PCNX4: variants seen among roughly 807,000 people sequenced by gnomAD.
PCNX4 encodes pecanex-like protein 4.
Under a neutral mutation model 107.2 loss-of-function variants are expected in PCNX4, and 103 were observed. That is an observed-to-expected ratio of 0.96 (90% confidence interval 0.82 to 1.13). The LOEUF (loss-of-function observed/expected upper bound fraction) is 1.13. PCNX4 is among the 50% of genes most tolerant of loss of function. The pLI is 0.00. For synonymous variants in PCNX4, 541 were observed against 481.7 expected (o/e 1.12, Z -1.61); for missense variants, 1,528 against 1,379.4 (o/e 1.11, Z -1.71).
rs770651679 is a variant in PCNX4, at chr14:60,118,515, C to A, written c.1765C>A (p.Pro589Thr). 6.2e-7 allele frequency: 1 copy of A among 1,613,796 alleles called. No individual in the cohort carries two copies. Among genetic ancestry groups the A allele is most frequent in the Non-Finnish European group, 8.5e-7 (1 of 1,179,842 alleles). Reference protein sequence around the residue: ...IIVFSTLLSSPLLPLFTLPVF... With the variant: ...IIVFSTLLSSTLLPLFTLPVF... ...AGTTTTTTCTACACTACTCTCTTCT[C>A]CCTTACTCCCTCTTTTCACCCTTCC... Residue 589 changes from proline to threonine, a missense_variant, in exon 7 of 11, where the codon CCC (proline) becomes ACC (threonine). By Grantham distance (38) the Pro-to-Thr change is conservative (BLOSUM62 -1). Coordinates refer to ENST00000406854, the MANE Select transcript of PCNX4 (RefSeq NM_001330177.2).
Position 60,133,117 on chromosome 14 carries a change from A to G in PCNX4, c.3268-853A>G, listed in dbSNP as rs117143677. ...ATGTATACCTAAGAGAAATAAAAACATAAATCCACATGAAACCTTGTACAT... is the reference window on the plus strand; with the variant it reads ...ATGTATACCTAAGAGAAATAAAAACGTAAATCCACATGAAACCTTGTACAT... On this transcript the variant is annotated intron_variant, in intron 10 of 10. Transcript: ENST00000406854. 2.6e-5 allele frequency among the ~76,000 whole-genome samples: 4 copies of G among 152,344 alleles called. No homozygotes were observed. In the East Asian group the frequency reaches 7.7e-4, roughly 29 times the overall value.
At position 60,124,312 on chromosome 14, in the gene PCNX4, T is replaced by C. The variant is rs770314682; in HGVS notation, c.2141T>C (p.Val714Ala). 6.8e-6 allele frequency: 11 copies of C among 1,610,930 alleles called. No homozygotes were observed. Among genetic ancestry groups the C allele is most frequent in the Non-Finnish European group, 9.3e-6 (11 of 1,178,240 alleles). The change falls in exon 9 of 11, where the codon GTA becomes GCA. Residue 714 changes from valine to alanine, a missense_variant. By Grantham distance (64) the Val-to-Ala change is moderately conservative. Transcript: ENST00000406854. ...EDAFEQEYTR[V>A]CSLNEHFGNV... The stretch of plus-strand genomic sequence containing the variant: ...GCTTTTGAGCAAGAATACACAAGAG[T>C]ATGTTCCCTTAATGAACACTTTGGA...
intron 1 of PCNX4, among the ~76,000 whole-genome samples, chr14:60,092,692 A>G (rs1424689410): frequency 4.6e-5 from 7 of 152,220 alleles, no homozygotes; most frequent in East Asian, 1.9e-4. Flanking sequence ...GAAATGGAAT[A>G]TGGCACACCC....
At position 60,115,360 on chromosome 14, in the gene PCNX4, A is replaced by G. The variant is rs753834560; in HGVS notation, c.1256A>G (p.Asn419Ser). The G allele has an allele frequency of 3.9e-5, 63 of 1,603,638 alleles. No individual in the cohort carries two copies. The highest frequency in any genetic ancestry group is 3.1e-5 in the Non-Finnish European group (36 of 1,174,538). Residue 419 changes from asparagine (N) to serine (S), a missense_variant, in exon 4 of 11, where the codon AAT becomes AGT. Transcript: ENST00000406854. ...GTATATATCATTGGAATTTTCCGAAATCCCTTTTATCCGAAGGATGTGCAA... is the reference window on the plus strand; with the variant it reads ...GTATATATCATTGGAATTTTCCGAAGTCCCTTTTATCCGAAGGATGTGCAA... ...QSVYIIGIFR[N>S]PFYPKDVQTV...
In PCNX4 at chr14:60,118,655, T is replaced by G; in HGVS notation, c.1905T>G (p.Thr635=). Residue 635 remains threonine, a synonymous_variant, in exon 7 of 11, where the codon ACT becomes ACG. Transcript: ENST00000406854. ...VYYYQMVPRL[T]AVLQTAMAAG... is the part of the protein sequence containing the mutation. ...ACTACCAAATGGTGCCCAGGTTGAC[T>G]GCTGTACTGCAGACTGCAATGGCAG... 6.2e-7 allele frequency: 1 copy of G among 1,609,810 alleles called. No individual in the cohort carries two copies. The highest frequency in any genetic ancestry group is 8.5e-7 in the Non-Finnish European group (1 of 1,177,006).
rs1259340758 is a variant in PCNX4, at chr14:60,137,482, G to A, written c.*3261G>A. On this transcript the variant is annotated 3_prime_UTR_variant, in exon 11 of 11. Coordinates refer to ENST00000406854, the MANE Select transcript of PCNX4 (RefSeq NM_001330177.2). ...CCCTTTGCTGCAGCCGCTACCCAGA[G>A]CAAATGTAAATCCTCTCTGGACTGA... The A allele has an allele frequency of 1.3e-5, 2 of 152,140 alleles. No homozygotes were observed. Among genetic ancestry groups the A allele is most frequent in the African/African-American group, 4.8e-5 (2 of 41,408 alleles). The allele number at this position is 152,140 out of a possible 1,614,324, so 9.4% of individuals were successfully genotyped here.
chr14:60,108,181 G>T lies in PCNX4; in HGVS notation c.543G>T (p.Trp181Cys). 2 of 1,612,854 alleles carry T rather than the reference G, an allele frequency of 1.2e-6. No individual in the cohort carries two copies. The highest frequency in any genetic ancestry group is 1.7e-5 in the Admixed American group (1 of 60,030). Reference sequence around the variant, plus strand: ...CTGCTCTACTATTCTTCTTTGGATGGATGACACTATGTATAGCAGAATATT... The same window carrying T: ...CTGCTCTACTATTCTTCTTTGGATGTATGACACTATGTATAGCAGAATATT... ...GGTALLFFFG[W>C]MTLCIAEYSL... is the part of the protein sequence containing the mutation. Residue 181 changes from tryptophan (W) to cysteine (C), a missense_variant, in exon 2 of 11, where the codon TGG becomes TGT. Physicochemically the swap from Trp to Cys is radical, Grantham distance 215. Transcript: ENST00000406854.
intron 1 of PCNX4, among the ~76,000 whole-genome samples, chr14:60,099,824 G>T (rs1421448841): frequency 1.3e-5 from 2 of 152,134 alleles, no homozygotes; most frequent in African/African-American, 4.8e-5. Context: ...AGCACTTTGG[G>T]AGGCTGAGGC....
rs1356945437 is a variant in PCNX4 at position 60,119,397 on chromosome 14, T to G, written c.1942+705T>G. ...AGTGTGTCATCTCCTGCCATGTGCT[T>G]TAACCCCTGAAACTTGTTTTTAAAA... On this transcript the variant is annotated intron_variant, in intron 7 of 10. Coordinates refer to ENST00000406854, the MANE Select transcript of PCNX4 (RefSeq NM_001330177.2). Among the ~76,000 whole-genome samples, 6 of 152,226 alleles carry G rather than the reference T, an allele frequency of 3.9e-5. No individual in the cohort carries two copies. In the East Asian group the frequency reaches 1.2e-3, roughly 29 times the overall value.
chr14:60,128,375 A>G (rs1391517312), intron 10 of PCNX4, among the ~76,000 whole-genome samples: 1 of 152,224 alleles, frequency 6.6e-6, no homozygotes, highest in East Asian at 1.9e-4. Context: ...AAGGAAAGTC[A>G]TATAAAATTC....
At chr14:60,111,496 G>A (rs1247784282) in intron 2 of PCNX4, among the ~76,000 whole-genome samples, 2 of 152,120 alleles carry the variant, frequency 1.3e-5, no homozygotes, top group African/African-American at 2.4e-5. Context: ...GTTTAAATGT[G>A]TGTATACACA....
rs1896268731 is a variant in PCNX4 at position 60,138,598 on chromosome 14, T to C, written c.*4377T>C. The C allele has an allele frequency of 6.6e-6, 1 of 152,090 alleles. No homozygotes were observed. Among genetic ancestry groups the C allele is most frequent in the Non-Finnish European group, 1.5e-5 (1 of 68,006 alleles). 9.4% of individuals were successfully genotyped at this position (152,090 alleles called of 1,614,324 possible). On this transcript the variant is annotated 3_prime_UTR_variant, in exon 11 of 11. Transcript: ENST00000406854. ...ATATTTTCAGGTTACTGAAAGAAAA[T>C]ATCTGCAATTTTAGAATTCAATACC...
chr14:60,105,443 A>T (rs150527702), intron 1 of PCNX4, among the ~76,000 whole-genome samples: 2 of 152,370 alleles, frequency 1.3e-5, no homozygotes, highest in African/African-American at 2.4e-5. Flanking sequence ...AATGTTACAG[A>T]TAAAATACAC....
intron 8 of PCNX4, among the ~76,000 whole-genome samples, chr14:60,123,083 C>G (rs534399687): frequency 6.6e-6 from 1 of 152,186 alleles, no homozygotes; most frequent in Admixed American, 6.5e-5. Context: ...AACCTCTGCT[C>G]TAGTCTAACC....
At chr14:60,115,895 A>G in intron 5 of PCNX4, 46 bp from the exon 6 acceptor site, 1 of 1,591,186 alleles carries the variant, frequency 6.3e-7, no homozygotes, top group East Asian at 2.3e-5. Flanking sequence ...GTTTGCTTAG[A>G]TTATCTAATT....
At chr14:60,102,412 G>GT (rs1163475484) in intron 1 of PCNX4, among the ~76,000 whole-genome samples, 1 of 151,996 alleles carries the variant, frequency 6.6e-6, no homozygotes, top group Non-Finnish European at 1.5e-5. Flanking sequence ...ACTTTTTGTT[G>GT]TTTTTTTGTT....
rs761554627 is a variant in PCNX4, at chr14:60,118,634, C to T, written c.1884C>T (p.Tyr628=). ...TGTGTGCAGATACAGTGTACTACTA[C>T]CAAATGGTGCCCAGGTTGACTGCTG... ...ACVCADTVYY[Y]QMVPRLTAVL... Residue 628 remains tyrosine, a synonymous_variant, in exon 7 of 11, where the codon TAC becomes TAT. Coordinates refer to ENST00000406854, the MANE Select transcript of PCNX4 (RefSeq NM_001330177.2). The T allele has an allele frequency of 6.2e-7, 1 of 1,613,138 alleles. No individual in the cohort carries two copies. Among genetic ancestry groups the T allele is most frequent in the Non-Finnish European group, 8.5e-7 (1 of 1,179,414 alleles).
chr14:60,118,528 T>C lies in PCNX4; in HGVS notation c.1778T>C (p.Leu593Pro). ...STLLSSPLLP[L>P]FTLPVFLVGF... ...CTACTCTCTTCTCCCTTACTCCCTC[T>C]TTTCACCCTTCCTGTGTTCTTGGTG... Residue 593 changes from leucine (L) to proline (P), a missense_variant, in exon 7 of 11, where the codon CTT (leucine) becomes CCT (proline). By Grantham distance (98) the Leu-to-Pro change is moderately conservative (BLOSUM62 -3). Coordinates refer to ENST00000406854, the MANE Select transcript of PCNX4 (RefSeq NM_001330177.2). 1 of 1,613,834 alleles carries C rather than the reference T, an allele frequency of 6.2e-7. No individual in the cohort carries two copies.
rs189251219 is a variant in PCNX4, at chr14:60,120,018, C to G, written c.1943-1178C>G. Among the ~76,000 whole-genome samples the G allele has an allele frequency of 7.9e-5, 12 of 152,254 alleles. 1 individual carries two copies. The highest frequency in any genetic ancestry group is 2.4e-4 in the African/African-American group (10 of 41,546). On this transcript the variant is annotated intron_variant, in intron 7 of 10. Coordinates refer to ENST00000406854, the MANE Select transcript of PCNX4 (RefSeq NM_001330177.2). ...TTTTAGATTCCATGATTTAGTGATT[C>G]CAGTTCTAGAGAAATTCTAGTACAT...
Sources: gnomAD v4.1 joint callset for allele counts (sites outside exome capture counted in the v4.1 genomes callset) on GRCh38, gnomAD v4.1.1 for gene constraint, MANE v1.5 for transcripts, NCBI Gene and HGNC (gene_info 2026-07-23, HGNC 2026-07-21) for gene names.